The following IGSF9B variants were observed in gnomAD, a reference collection of about 807,000 sequenced individuals.
The protein encoded by IGSF9B is protein turtle homolog B.
IGSF9B carries 48 observed loss-of-function variants against 143.7 expected under a neutral mutation model. That is an observed-to-expected ratio of 0.33 (90% CI 0.26 to 0.42). The LOEUF (loss-of-function observed/expected upper bound fraction) is 0.42. Ranked by LOEUF, IGSF9B falls within the 20% of genes least tolerant of loss-of-function variation. The pLI, the probability that IGSF9B is intolerant of heterozygous loss-of-function variation, is 1.00. For synonymous variants in IGSF9B, 903 were observed against 833.1 expected, an observed-to-expected ratio of 1.08 and a Z score of -1.44; for missense variants, 1,706 against 1,980.0, an observed-to-expected ratio of 0.86 and a Z score of 2.63.
chr11:133,918,413 G>A (rs930392570), intron 18 of IGSF9B, among the ~76,000 whole-genome samples: 1 of 152,200 alleles, frequency 6.6e-6, no homozygotes, highest in East Asian at 1.9e-4. Flanking sequence ...AGGCGAGGCC[G>A]GAGCGTGGGG....
Position 133,920,658 on chromosome 11 carries a change from T to C in IGSF9B, c.3067A>G (p.Ser1023Gly), listed in dbSNP as rs765973590. ...PEENGENASN[S>G]TLPLTQTPTG... is the part of the protein sequence containing the mutation. The stretch of plus-strand genomic sequence containing the variant: ...GGTGTCTGAGTCAAGGGCAGCGTGC[T>C]GTTGGATGCATTCTCTCCATTCTCC... Residue 1023 changes from serine to glycine, a missense_variant, in exon 18 of 20, where the codon AGC (serine) becomes GGC (glycine). Ser to Gly is a moderately conservative substitution (Grantham distance 56, BLOSUM62 0). Transcript: ENST00000533871. The C allele has an allele frequency of 5.6e-6, 9 of 1,613,456 alleles. No homozygotes were observed. The South Asian group carries it at 9.9e-5, about 18-fold the overall frequency.
At chr11:133,919,675 G>T in intron 18 of IGSF9B, 67 bp downstream of exon 18, 1 of 1,042,452 alleles carries the variant, frequency 9.6e-7, no homozygotes, top group Non-Finnish European at 1.3e-6. Context: ...GGGGTGGAGG[G>T]CAGGGCGAGG....
chr11:133,929,939 C>T (rs534156223), intron 11 of IGSF9B, among the ~76,000 whole-genome samples, 157 bp from the exon 12 acceptor site: 5 of 152,166 alleles, frequency 3.3e-5, no homozygotes, highest in Admixed American at 6.5e-5. Flanking sequence ...TGCTCTCAGG[C>T]GCCGACTCCC....
rs1342149306 is a variant in IGSF9B, at chr11:133,931,084, C to T, written c.1419G>A (p.Leu473=). 6.2e-7 allele frequency: 1 copy of T among 1,613,672 alleles called. No individual in the cohort carries two copies. The highest frequency in any genetic ancestry group is 1.3e-5 in the African/African-American group (1 of 74,932). The part of the protein sequence containing the change: ...SKHSALPSGS[L]QFRALSKEDH... ...CCTCCTTACTCAGGGCACGGAACTGCAGGCTCCCACTGGGCAGGGCACTGT... is the reference window on the plus strand; with the variant it reads ...CCTCCTTACTCAGGGCACGGAACTGTAGGCTCCCACTGGGCAGGGCACTGT... The change falls in exon 11 of 20, where the codon CTG becomes CTA. Residue 473 remains leucine, a synonymous_variant. Transcript: ENST00000533871. The surrounding 1 kb of genome is among the most constrained non-coding windows in gnomAD (Gnocchi z 7.7).
intron 15 of IGSF9B, 32 bp from the exon 16 acceptor site, chr11:133,922,762 C>A (rs1460351417): frequency 2.0e-6 from 3 of 1,527,580 alleles, no homozygotes; most frequent in Non-Finnish European, 2.6e-6. Flanking sequence ...CTCATGAGCC[C>A]ATCCTTCCCC....
Position 133,908,187 on chromosome 11 carries a change from C to T in IGSF9B, c.*882G>A, listed in dbSNP as rs1008503040. Among the ~76,000 whole-genome samples, 3 of 152,308 alleles carry T rather than the reference C, an allele frequency of 2.0e-5. No individual in the cohort carries two copies. Among genetic ancestry groups the T allele is most frequent in the Non-Finnish European group, 2.9e-5 (2 of 68,020 alleles). ...GCACCAGAGGCTTGCTTTAGCCCCG[C>T]GGCTGAGTTAGCCTCTACTCCTGCA... On this transcript the variant is annotated 3_prime_UTR_variant, in exon 20 of 20. Coordinates refer to ENST00000533871, the MANE Select transcript of IGSF9B (RefSeq NM_001277285.4).
At chr11:133,943,689 C>A (rs1939993070) in intron 3 of IGSF9B, among the ~76,000 whole-genome samples, 1 of 152,362 alleles carries the variant, frequency 6.6e-6, no homozygotes, top group South Asian at 2.1e-4. Flanking sequence ...CAGGCAGGGA[C>A]TGGGTGCAGG....
chr11:133,918,909 GGAGA>G (rs1007855863), intron 18 of IGSF9B: 5 of 456,140 alleles, frequency 1.1e-5, no homozygotes, highest in African/African-American at 4.0e-5. Context: ...AAGGAAGATA[GGAGA>G]GAGAAAGACT....
rs1939689509 is a variant in IGSF9B at position 133,929,738 on chromosome 11, T to G, written c.1564A>C (p.Met522Leu). 9 of 1,613,822 alleles carry G rather than the reference T, an allele frequency of 5.6e-6. No homozygotes were observed. Among genetic ancestry groups the G allele is most frequent in the Non-Finnish European group, 7.6e-6 (9 of 1,179,866 alleles). The change falls in exon 12 of 20, where the codon ATG becomes CTG. Residue 522 changes from methionine to leucine, a missense_variant. By Grantham distance (15) the Met-to-Leu change is conservative. Transcript: ENST00000533871. ...TCCCAGGACACGTTGGCAGTTGTCA[T>G]GGAGACCTGGACCCGGACACTGCCC... ...APGSVRVQVS[M>L]TTANVSWEPG...
At chr11:133,932,492 G>A (rs1193055887) in intron 7 of IGSF9B, among the ~76,000 whole-genome samples, 2 of 146,996 alleles carry the variant, frequency 1.4e-5, no homozygotes, top group Non-Finnish European at 3.0e-5. Context: ...CCAGGTGAGA[G>A]AGCAGACAGA....
In IGSF9B at chr11:133,906,790, C is replaced by T. The variant is rs1346766949; in HGVS notation, c.*2279G>A. Among the ~76,000 whole-genome samples, 1 of 152,162 alleles carries T rather than the reference C, an allele frequency of 6.6e-6. No homozygotes were observed. Among genetic ancestry groups the T allele is most frequent in the Admixed American group, 6.5e-5 (1 of 15,290 alleles). ...GCCCACATCCCAGTGCATCCCAGGG[C>T]CTGGCTGAGCCCCGTGAGCTCCTCT... is the stretch of plus-strand genomic sequence containing the variant. On this transcript the variant is annotated 3_prime_UTR_variant, in exon 20 of 20. Transcript: ENST00000533871.
In IGSF9B at chr11:133,956,772, C is replaced by G. The variant is rs1052007035; in HGVS notation, c.-18G>C. 1 of 1,481,640 alleles carries G rather than the reference C, an allele frequency of 6.7e-7. No individual in the cohort carries two copies. Among genetic ancestry groups the G allele is most frequent in the African/African-American group, 1.5e-5 (1 of 68,832 alleles). The allele number at this position is 1,481,640 out of a possible 1,614,324, so 91.8% of individuals were successfully genotyped here. Reference sequence around the variant, plus strand: ...CAAATCATAGTACTACCGCGCCAGCCCGGAGCCTCATCCTATCGCAAAGTG... The same window carrying G: ...CAAATCATAGTACTACCGCGCCAGCGCGGAGCCTCATCCTATCGCAAAGTG... On this transcript the variant is annotated 5_prime_UTR_variant, in exon 1 of 20. Transcript: ENST00000533871.
Position 133,956,694 on chromosome 11 carries a change from C to G in IGSF9B, c.61G>C (p.Glu21Gln), listed in dbSNP as rs1258170091. 2 of 1,542,930 alleles carry G rather than the reference C, an allele frequency of 1.3e-6. No homozygotes were observed. Among genetic ancestry groups the G allele is most frequent in the South Asian group, 2.4e-5 (2 of 82,824 alleles). ...GGGACGCCGCACTTCAACTCACCTT[C>G]AGCCGCAAGCCCTCGGGTGCCGATC... ...SVIGTRGLAA[E>Q]GAHGLREEPE... is the part of the protein sequence containing the mutation. Residue 21 changes from glutamate (E) to glutamine (Q), a missense_variant, in exon 1 of 20, where the codon GAA (glutamate) becomes CAA (glutamine). This residue lies in a region of IGSF9B where 171 missense variants were observed against 213.9 expected (regional missense o/e 0.80). Transcript: ENST00000533871.
At chr11:133,910,299 C>T (rs910058393) in intron 19 of IGSF9B, among the ~76,000 whole-genome samples, 29 of 152,240 alleles carry the variant, frequency 1.9e-4, no homozygotes, top group African/African-American at 6.3e-4. Flanking sequence ...GTGGAGTCCA[C>T]GGTGCAAGGT....
Position 133,919,911 on chromosome 11 carries a change from C to T in IGSF9B, c.3814G>A (p.Ala1272Thr), listed in dbSNP as rs1046946851. ...GTGGCCAGAGTGGTGAAGCCCATGG[C>T]GGGCCGGTAGCTGGGACTCCCACTG... ...SRSGSPSYRP[A>T]MGFTTLATGY... The change falls in exon 18 of 20, where the codon GCC becomes ACC. Residue 1272 changes from alanine (A) to threonine (T), a missense_variant. Ala to Thr is a moderately conservative substitution (Grantham distance 58). This residue lies in a region of IGSF9B where 880 missense variants were observed against 762.9 expected (regional missense o/e 1.15). Transcript: ENST00000533871. The T allele has an allele frequency of 5.7e-6, 9 of 1,567,488 alleles. No individual in the cohort carries two copies. In the African/African-American group the frequency reaches 8.2e-5, roughly 14 times the overall value.
chr11:133,917,654 T>C (rs3741104), intron 18 of IGSF9B, among the ~76,000 whole-genome samples: 15,186 of 151,956 alleles, frequency 0.1, 1,138 homozygotes, highest in African/African-American at 0.2. Context: ...CAAAGCCCCA[T>C]AGGACTGCAG....
At position 133,948,244 on chromosome 11, in the gene IGSF9B, C is replaced by A. The variant is rs138619089; in HGVS notation, c.65-1986G>T. Among the ~76,000 whole-genome samples the A allele has an allele frequency of 2.4e-3, 368 of 152,282 alleles. 2 individuals are homozygous for A. Among genetic ancestry groups the A allele is most frequent in the Non-Finnish European group, 4.1e-3 (277 of 68,028 alleles). On this transcript the variant is annotated intron_variant, in intron 1 of 19. Coordinates refer to ENST00000533871, the MANE Select transcript of IGSF9B (RefSeq NM_001277285.4). This position sits in a 1 kb window ranked among gnomAD's most constrained non-coding sequence, Gnocchi z 4.7. ...TGTGTGTCTTGTTCTCCCCCTCCCC[C>A]TCCCCTGCAAGTTGCGGAAGAGGGA...
At chr11:133,929,809 A>G (rs1939691123) in intron 11 of IGSF9B, 27 bp from the exon 12 acceptor site, 4 of 1,498,236 alleles carry the variant, frequency 2.7e-6, no homozygotes, top group South Asian at 1.1e-5. Flanking sequence ...GACCTCTCAG[A>G]CTGAAAAGAA....
At chr11:133,929,839 G>A (rs1001237833) in intron 11 of IGSF9B, 57 bp from the exon 12 acceptor site, 32 of 1,189,786 alleles carry the variant, frequency 2.7e-5, no homozygotes, top group Admixed American at 6.9e-5. Context: ...GTGGCTGGGT[G>A]CCCACCGTCT....
Sources: gnomAD v4.1 joint callset for allele counts (sites outside exome capture counted in the v4.1 genomes callset) on GRCh38, gnomAD v4.1.1 for gene constraint, gnomAD v4.1.1 regional missense constraint, Gnocchi (gnomAD v3.1) non-coding constraint, MANE v1.5 for transcripts, NCBI Gene and HGNC (gene_info 2026-07-23, HGNC 2026-07-21) for gene names.